TNRC6B: variants seen among roughly 807,000 people sequenced by gnomAD.
TNRC6B encodes trinucleotide repeat-containing gene 6B protein.
A neutral mutation model predicts 203.6 loss-of-function variants in TNRC6B; 52 were observed. That is an observed-to-expected ratio of 0.26 (90% confidence interval 0.20 to 0.32). TNRC6B has a LOEUF of 0.32. Among genes scored for constraint, TNRC6B ranks in the 10% least tolerant of loss-of-function variants. The pLI, the probability that TNRC6B is intolerant of heterozygous loss-of-function variation, is 1.00. For synonymous variants in TNRC6B, 838 were observed against 845.7 expected (o/e 0.99, Z 0.16); for missense variants, 1,923 against 2,286.2 (o/e 0.84, Z 3.24).
chr22:40,072,298 C>T (rs566812802), intron 1 of TNRC6B, among the ~76,000 whole-genome samples: 45 of 152,208 alleles, frequency 3.0e-4, no homozygotes, highest in Non-Finnish European at 5.1e-4. Flanking sequence ...CCTAACGGAG[C>T]GCTTACTTAA....
At chr22:40,312,767 A>G in intron 18 of TNRC6B, 116 bp downstream of exon 18, 2 of 1,480,510 alleles carry the variant, frequency 1.4e-6, no homozygotes, top group Non-Finnish European at 1.8e-6. Context: ...ATGTAAAAAG[A>G]TTGCTTTTCA....
chr22:40,188,051 C>T (rs1297217450), intron 1 of TNRC6B, among the ~76,000 whole-genome samples: 1 of 152,082 alleles, frequency 6.6e-6, no homozygotes, highest in African/African-American at 2.4e-5. Context: ...GAAACCTCGT[C>T]TCTACTAAAA....
chr22:40,115,341 T>C (rs2068377906), intron 1 of TNRC6B, among the ~76,000 whole-genome samples: 1 of 152,182 alleles, frequency 6.6e-6, no homozygotes, highest in Non-Finnish European at 1.5e-5. Flanking sequence ...GTCTCTGCGG[T>C]TGACAAAAAA....
At chr22:40,048,289 C>T (rs2067710308) in intron 1 of TNRC6B, among the ~76,000 whole-genome samples, 1 of 152,168 alleles carries the variant, frequency 6.6e-6, no homozygotes, top group Admixed American at 6.5e-5. Context: ...CCTGTAATAC[C>T]AGCACTTTTG....
chr22:40,301,465 T>C, intron 15 of TNRC6B, 132 bp downstream of exon 15: 1 of 1,004,132 alleles, frequency 1.0e-6, no homozygotes, highest in Non-Finnish European at 1.4e-6. Flanking sequence ...ATCCCTGGTT[T>C]ACAGATGAGA....
intron 12 of TNRC6B, among the ~76,000 whole-genome samples, chr22:40,286,368 A>G (rs567735146): frequency 6.6e-6 from 1 of 152,320 alleles, no homozygotes; most frequent in Non-Finnish European, 1.5e-5. Context: ...TTAGCTGGGC[A>G]TGGTGGCACA....
chr22:40,240,470 G>T (rs1047918221), intron 1 of TNRC6B, among the ~76,000 whole-genome samples: 3 of 152,110 alleles, frequency 2.0e-5, no homozygotes, highest in African/African-American at 4.8e-5. Flanking sequence ...GTTGGACTGG[G>T]CTAGCAGCAG....
intron 3 of TNRC6B, among the ~76,000 whole-genome samples, chr22:40,149,255 G>C (rs917483805): frequency 2.0e-5 from 3 of 152,144 alleles, no homozygotes; most frequent in Admixed American, 6.5e-5. Context: ...AAAGAAGCCA[G>C]ACAGAAAAAG....
At chr22:40,082,706 T>C (rs2068071519) in intron 1 of TNRC6B, among the ~76,000 whole-genome samples, 1 of 152,102 alleles carries the variant, frequency 6.6e-6, no homozygotes, top group African/African-American at 2.4e-5. Context: ...GAGATGATAA[T>C]AGTCAGAGAA....
At chr22:40,234,243 A>G (rs927415238) in intron 1 of TNRC6B, among the ~76,000 whole-genome samples, 16 of 152,214 alleles carry the variant, frequency 1.1e-4, no homozygotes, top group African/African-American at 3.9e-4. Flanking sequence ...CCATGATCAC[A>G]CCATTGCATT....
intron 19 of TNRC6B, 54 bp downstream of exon 19, chr22:40,313,051 C>A: frequency 7.0e-7 from 1 of 1,418,768 alleles, no homozygotes; most frequent in East Asian, 2.3e-5. Context: ...CATCAGGTTC[C>A]CTTTTATAAA....
intron 1 of TNRC6B, chr22:40,106,475 A>T: frequency 2.7e-6 from 2 of 754,076 alleles, no homozygotes; most frequent in Non-Finnish European, 4.8e-6. Context: ...AGCATTTTCC[A>T]ACAGTATAGA....
rs2070032562 is a variant in TNRC6B at position 40,241,813 on chromosome 22, AT to A, written c.6-4199del. Among the ~76,000 whole-genome samples, 3 of 152,108 alleles carry A rather than the reference AT, an allele frequency of 2.0e-5. No individual in the cohort carries two copies. In the South Asian group the frequency reaches 6.2e-4, roughly 32 times the overall value. ...CTCATTTCAATTTATTCATTTGCTT[AT>A]TTCTCTCTGTATGAACTTGTGTTTT... On this transcript the variant is annotated intron_variant, in intron 1 of 22. Coordinates refer to ENST00000454349, the MANE Select transcript of TNRC6B (RefSeq NM_001162501.2).
chr22:40,245,983 T>C, intron 1 of TNRC6B, 32 bp from the exon 2 acceptor site: 1 of 1,506,972 alleles, frequency 6.6e-7, no homozygotes, highest in Non-Finnish European at 8.9e-7. Context: ...AATGTAGATG[T>C]ATAACCTTCT....
At chr22:40,278,840 A>T (rs952739840) in intron 9 of TNRC6B, among the ~76,000 whole-genome samples, 6 of 152,200 alleles carry the variant, frequency 3.9e-5, no homozygotes, top group Non-Finnish European at 7.4e-5. Context: ...CCCAGGTTCA[A>T]GCGATTTTTC....
At chr22:40,143,474 A>G (rs2068661866) in intron 3 of TNRC6B, among the ~76,000 whole-genome samples, 1 of 151,984 alleles carries the variant, frequency 6.6e-6, no homozygotes, top group African/African-American at 2.4e-5. Flanking sequence ...ATAGATTGGG[A>G]AAAAACATTT....
At chr22:40,141,182 G>A (rs972412798) in intron 3 of TNRC6B, among the ~76,000 whole-genome samples, 2 of 148,188 alleles carry the variant, frequency 1.3e-5, no homozygotes, top group African/African-American at 5.0e-5. Flanking sequence ...TCTTTCCATG[G>A]GTGGTGAACT....
chr22:40,227,358 CTTTTTTTTTTTT>C (rs71199278), intron 1 of TNRC6B, among the ~76,000 whole-genome samples: 1 of 70,954 alleles, frequency 1.4e-5, no homozygotes, highest in African/African-American at 5.0e-5. Flanking sequence ...CTGAAATTAC[CTTTTTTTTTTTT>C]TTTTTTTTTT....
chr22:40,166,894 CAA>C (rs567105023), intron 4 of TNRC6B, among the ~76,000 whole-genome samples: 11 of 136,490 alleles, frequency 8.1e-5, no homozygotes, highest in Admixed American at 7.4e-5. Flanking sequence ...GACTTTGTCT[CAA>C]AAAAAAAAAA....
Sources: allele counts gnomAD v4.1 joint callset (sites outside exome capture counted in the v4.1 genomes callset), GRCh38; gene constraint gnomAD v4.1.1; transcripts MANE v1.5; gene names NCBI Gene and HGNC (gene_info 2026-07-23, HGNC 2026-07-21).